The following ZFAND3 variants were observed in gnomAD, a reference collection of about 807,000 sequenced individuals.
The protein encoded by ZFAND3 is zinc finger AN1-type containing 3.
A neutral mutation model predicts 29.6 loss-of-function variants in ZFAND3; 10 were observed. The ratio of observed to expected loss-of-function variants is 0.34; its 90% CI spans 0.21 to 0.57. The LOEUF (loss-of-function observed/expected upper bound fraction) is 0.57, where lower values mean the gene tolerates loss of function less well. ZFAND3 is among the 20% of genes least tolerant of loss of function. The pLI is 0.86. For missense variants in ZFAND3, 230 were observed against 304.5 expected, an observed-to-expected ratio of 0.76 and a Z score of 1.82; for synonymous variants, 128 against 112.6, an observed-to-expected ratio of 1.14 and a Z score of -0.87.
At chr6:37,879,756 G>T (rs892189134) in intron 1 of ZFAND3, among the ~76,000 whole-genome samples, 4 of 152,150 alleles carry the variant, frequency 2.6e-5, no homozygotes, top group African/African-American at 9.7e-5. Flanking sequence ...CAGAATGTGA[G>T]TTAGGGTATG....
intron 2 of ZFAND3, among the ~76,000 whole-genome samples, chr6:37,968,299 T>C (rs908734505): frequency 1.3e-5 from 2 of 151,656 alleles, no homozygotes; most frequent in Non-Finnish European, 2.9e-5. Flanking sequence ...AAAAAGCGTT[T>C]TTATTGAAAT....
At chr6:37,931,970 T>C (rs1761604677) in intron 2 of ZFAND3, among the ~76,000 whole-genome samples, 1 of 152,112 alleles carries the variant, frequency 6.6e-6, no homozygotes, top group South Asian at 2.1e-4. Flanking sequence ...ATTTGTGCCA[T>C]GTTAAAGGAC....
At chr6:38,143,727 C>T (rs905524021) in intron 5 of ZFAND3, among the ~76,000 whole-genome samples, 3 of 152,184 alleles carry the variant, frequency 2.0e-5, no homozygotes, top group Non-Finnish European at 4.4e-5. Flanking sequence ...GGGCAGCTGA[C>T]TTCTGTCCAT....
intron 5 of ZFAND3, among the ~76,000 whole-genome samples, chr6:38,124,078 T>C (rs1219787940): frequency 6.6e-6 from 1 of 152,174 alleles, no homozygotes. Context: ...TTGGTGCGTT[T>C]ACAATCCCTG....
In ZFAND3 at chr6:38,153,278, G is replaced by A; in HGVS notation, c.*889G>A. ...TTCTATATTGGGAGTTTTTTAAAAA[G>A]ACATTTCATAGCCAACAAGAATCAG... On this transcript the variant is annotated 3_prime_UTR_variant, in exon 6 of 6. Transcript: ENST00000287218. The A allele has an allele frequency of 1.0e-6, 1 of 985,506 alleles. No individual in the cohort carries two copies. The highest frequency in any genetic ancestry group is 1.2e-6 in the Non-Finnish European group (1 of 829,964). 61.0% of individuals were successfully genotyped at this position (985,506 alleles called of 1,614,324 possible).
intron 1 of ZFAND3, among the ~76,000 whole-genome samples, chr6:37,833,707 TC>T (rs1763905900): frequency 6.6e-6 from 1 of 150,626 alleles, no homozygotes. Context: ...GCGTCTGTAG[TC>T]CCAGCTACCC....
At chr6:38,101,966 G>A (rs542794978) in intron 4 of ZFAND3, among the ~76,000 whole-genome samples, 61 of 152,082 alleles carry the variant, frequency 4.0e-4, no homozygotes, top group African/African-American at 6.3e-4. Context: ...AAATATAAAC[G>A]TTCAAACATT....
At chr6:37,867,851 G>T (rs761653345) in intron 1 of ZFAND3, among the ~76,000 whole-genome samples, 3 of 152,076 alleles carry the variant, frequency 2.0e-5, no homozygotes, top group Non-Finnish European at 4.4e-5. Context: ...AAGTACTTTG[G>T]GTGAAAGACT....
intron 5 of ZFAND3, among the ~76,000 whole-genome samples, chr6:38,142,076 T>C (rs1765968875): frequency 6.6e-6 from 1 of 152,238 alleles, no homozygotes; most frequent in African/African-American, 2.4e-5. Context: ...CACTCCATGC[T>C]GTATTATCCT....
At chr6:38,127,894 C>A (rs759059781) in intron 5 of ZFAND3, among the ~76,000 whole-genome samples, 1 of 152,202 alleles carries the variant, frequency 6.6e-6, no homozygotes, top group African/African-American at 2.4e-5. Flanking sequence ...CAGCCACACT[C>A]ACTGTACCTC....
intron 2 of ZFAND3, among the ~76,000 whole-genome samples, chr6:37,933,911 G>C (rs1761644900): frequency 7.0e-6 from 1 of 142,458 alleles, no homozygotes; most frequent in Admixed American, 7.2e-5. Context: ...TTTTGAGACG[G>C]AGTTTCGCCC....
intron 2 of ZFAND3, among the ~76,000 whole-genome samples, chr6:38,049,735 C>G (rs1763981280): frequency 6.6e-6 from 1 of 152,046 alleles, no homozygotes; most frequent in South Asian, 2.1e-4. Context: ...CTGAACATCC[C>G]CCTGATATGC....
intron 2 of ZFAND3, among the ~76,000 whole-genome samples, chr6:38,012,071 G>A (rs753937848): frequency 4.6e-5 from 7 of 152,130 alleles, no homozygotes; most frequent in South Asian, 4.1e-4. Flanking sequence ...CACACACTGC[G>A]TCAGTTATGT....
intron 4 of ZFAND3, among the ~76,000 whole-genome samples, chr6:38,091,197 G>A (rs1398062334): frequency 6.6e-6 from 1 of 152,162 alleles, no homozygotes; most frequent in Non-Finnish European, 1.5e-5. Context: ...GGAGATGTGT[G>A]TGTGTAAGAA....
At chr6:38,105,440 GGTT>G (rs1357430488) in intron 4 of ZFAND3, among the ~76,000 whole-genome samples, 1 of 152,102 alleles carries the variant, frequency 6.6e-6, no homozygotes, top group Non-Finnish European at 1.5e-5. Flanking sequence ...TGGACACATG[GGTT>G]GTGTACACAC....
intron 2 of ZFAND3, among the ~76,000 whole-genome samples, chr6:37,948,986 A>C (rs984656447): frequency 6.6e-6 from 1 of 152,196 alleles, no homozygotes; most frequent in African/African-American, 2.4e-5. Flanking sequence ...TTAGGTATAC[A>C]AACTCAGTAA....
chr6:38,144,184 A>ATAAT (rs66561715), intron 5 of ZFAND3, among the ~76,000 whole-genome samples: 21 of 42,540 alleles, frequency 4.9e-4, no homozygotes, highest in Admixed American at 1.0e-3. Context: ...ATATATATAT[A>ATAAT]ATATATATAT....
intron 2 of ZFAND3, among the ~76,000 whole-genome samples, chr6:38,038,721 A>G (rs1194943351): frequency 6.6e-6 from 1 of 152,214 alleles, no homozygotes; most frequent in African/African-American, 2.4e-5. Context: ...TTTCATGGTC[A>G]GTAGACTTTC....
chr6:38,102,389 G>T (rs1765112988), intron 4 of ZFAND3, among the ~76,000 whole-genome samples: 1 of 152,106 alleles, frequency 6.6e-6, no homozygotes, highest in African/African-American at 2.4e-5. Context: ...ACTTGAATTA[G>T]TGTCTCATTC....
Sources: allele counts gnomAD v4.1 joint callset (sites outside exome capture counted in the v4.1 genomes callset), GRCh38; gene constraint gnomAD v4.1.1; transcripts MANE v1.5; gene names NCBI Gene and HGNC (gene_info 2026-07-23, HGNC 2026-07-21).